Variants in NFAT5 observed in about 807,000 individuals in gnomAD.
NFAT5 encodes nuclear factor of activated T-cells 5.
NFAT5 carries 31 observed loss-of-function variants against 166.5 expected under a neutral mutation model. The ratio of observed to expected loss-of-function variants is 0.19; its 90% CI spans 0.14 to 0.25. The LOEUF (loss-of-function observed/expected upper bound fraction) is 0.25. Ranked by LOEUF, NFAT5 falls within the 10% of genes least tolerant of loss-of-function variation. The pLI, the probability that NFAT5 is intolerant of heterozygous loss-of-function variation, is 1.00. For synonymous variants in NFAT5, 612 were observed against 639.7 expected (o/e 0.96, Z 0.65); for missense variants, 1,449 against 1,821.8 (o/e 0.80, Z 3.72).
At chr16:69,609,819 GA>G (rs1157655325) in intron 2 of NFAT5, among the ~76,000 whole-genome samples, 25,234 of 75,532 alleles carry the variant, frequency 0.33, 2,415 homozygotes, top group African/African-American at 0.43. Context: ...TGTCTCTACT[GA>G]AAAAAAAAAA....
chr16:69,676,962 T>G, intron 9 of NFAT5: 84 of 399,520 alleles, frequency 2.1e-4, no homozygotes, highest in Middle Eastern at 6.9e-4. Context: ...AGAGCAGGAA[T>G]GAGATGAAGT....
chr16:69,694,013 A>C lies in NFAT5; in HGVS notation c.4188A>C (p.Pro1396=). The C allele has an allele frequency of 2.5e-6, 4 of 1,614,182 alleles. No homozygotes were observed. Among genetic ancestry groups the C allele is most frequent in the Non-Finnish European group, 3.4e-6 (4 of 1,180,014 alleles). Residue 1396 remains proline (P), a synonymous_variant, in exon 13 of 15, where the codon CCA becomes CCC. Coordinates refer to ENST00000349945, the MANE Select transcript of NFAT5 (RefSeq NM_138713.4). ...AGCAAGTAACTCTCTTCTTATCTCCAGCATCCATGTCTGCCTTGCAGACCA... is the reference window on the plus strand; with the variant it reads ...AGCAAGTAACTCTCTTCTTATCTCCCGCATCCATGTCTGCCTTGCAGACCA... ...QEQQVTLFLS[P]ASMSALQTSI... is the part of the protein sequence containing the mutation.
At chr16:69,635,023 G>GTTTTT (rs530661389) in intron 3 of NFAT5, among the ~76,000 whole-genome samples, 11 of 105,266 alleles carry the variant, frequency 1.0e-4, no homozygotes, top group Non-Finnish European at 1.3e-4. Context: ...TGTTAGTAAA[G>GTTTTT]TTTTTTTTTT....
intron 11 of NFAT5, 22 bp downstream of exon 11, chr16:69,684,992 A>G (rs754012176): frequency 6.4e-7 from 1 of 1,571,192 alleles, no homozygotes; most frequent in South Asian, 1.1e-5. Flanking sequence ...ATTCTTCTCA[A>G]AAATCGTAAT....
chr16:69,687,480 C>T (rs1428283322), intron 11 of NFAT5, among the ~76,000 whole-genome samples: 1 of 144,332 alleles, frequency 6.9e-6, no homozygotes, highest in Non-Finnish European at 1.5e-5. Context: ...ATAAAATTAA[C>T]CTTTGTGACC....
intron 9 of NFAT5, among the ~76,000 whole-genome samples, chr16:69,670,593 T>A (rs2036586333): frequency 6.6e-6 from 1 of 152,224 alleles, no homozygotes; most frequent in Admixed American, 6.5e-5. Flanking sequence ...CACTATATAG[T>A]TAAATAAAAG....
chr16:69,614,592 T>C (rs7198242), intron 2 of NFAT5, among the ~76,000 whole-genome samples: 33,374 of 152,158 alleles, frequency 0.22, 3,972 homozygotes, highest in East Asian at 0.45. Flanking sequence ...AATAAGTTGC[T>C]GACATGTTTC....
intron 2 of NFAT5, among the ~76,000 whole-genome samples, chr16:69,580,780 C>T (rs894627186): frequency 6.6e-5 from 10 of 151,936 alleles, no homozygotes; most frequent in East Asian, 2.0e-4. Context: ...CTCAGCCTCC[C>T]GAGTAGCTGG....
intron 2 of NFAT5, among the ~76,000 whole-genome samples, chr16:69,608,218 G>A (rs934812042): frequency 6.6e-6 from 1 of 152,078 alleles, no homozygotes; most frequent in Non-Finnish European, 1.5e-5. Context: ...TTAGCCGGGT[G>A]TTGTGGCGTG....
chr16:69,692,663 A>G lies in NFAT5; in HGVS notation c.2838A>G (p.Gln946=), dbSNP rs776201520. 58 of 1,614,130 alleles carry G rather than the reference A, an allele frequency of 3.6e-5. No homozygotes were observed. Among genetic ancestry groups the G allele is most frequent in the Non-Finnish European group, 2.6e-5 (31 of 1,180,050 alleles). ...STASANGNLQ[Q]SPVYQQTSHM... ...CTTCAGCAAATGGAAACCTTCAGCA[A>G]TCGCCAGTTTACCAGCAGACTTCTC... The change falls in exon 13 of 15, where the codon CAA becomes CAG. Residue 946 remains glutamine (Q), a synonymous_variant. Transcript: ENST00000349945.
intron 7 of NFAT5, among the ~76,000 whole-genome samples, chr16:69,661,124 A>C (rs2151648695): frequency 6.9e-6 from 1 of 145,826 alleles, no homozygotes; most frequent in South Asian, 2.2e-4. Flanking sequence ...CATGCCTGTA[A>C]TACCAGCACT....
intron 2 of NFAT5, among the ~76,000 whole-genome samples, chr16:69,614,076 CAG>C (rs1265258463): frequency 6.6e-6 from 1 of 152,086 alleles, no homozygotes; most frequent in Non-Finnish European, 1.5e-5. Context: ...TGATTTTAAA[CAG>C]AAAGTGTAGC....
intron 3 of NFAT5, among the ~76,000 whole-genome samples, chr16:69,627,313 A>T (rs1478591175): frequency 7.4e-6 from 1 of 134,856 alleles, no homozygotes; most frequent in Non-Finnish European, 1.6e-5. Flanking sequence ...TTTGTTTTAA[A>T]AAAAGGAAAC....
intron 10 of NFAT5, among the ~76,000 whole-genome samples, chr16:69,682,420 C>A (rs971883843): frequency 6.8e-6 from 1 of 147,988 alleles, no homozygotes; most frequent in Non-Finnish European, 1.5e-5. Flanking sequence ...CCAGCCTGGG[C>A]GATATAGTGA....
chr16:69,579,174 A>G (rs942313568), intron 2 of NFAT5, among the ~76,000 whole-genome samples: 4 of 152,286 alleles, frequency 2.6e-5, no homozygotes, highest in South Asian at 4.1e-4. Flanking sequence ...GCGCCTGGCC[A>G]TAAGTTTTAA....
intron 2 of NFAT5, among the ~76,000 whole-genome samples, chr16:69,584,481 A>G (rs2031908833): frequency 6.6e-6 from 1 of 151,936 alleles, no homozygotes; most frequent in Non-Finnish European, 1.5e-5. Context: ...GGTGCATGGC[A>G]CCACACCTGG....
At chr16:69,609,819 GAAA>G (rs1157655325) in intron 2 of NFAT5, among the ~76,000 whole-genome samples, 5 of 75,322 alleles carry the variant, frequency 6.6e-5, no homozygotes, top group South Asian at 1.0e-3. Flanking sequence ...TGTCTCTACT[GAAA>G]AAAAAAAAAA....
rs772377968 is a variant in NFAT5 at position 69,684,928 on chromosome 16, T to C, written c.1732T>C (p.Ser578Pro). The C allele has an allele frequency of 1.9e-6, 3 of 1,610,730 alleles. No homozygotes were observed. The highest frequency in any genetic ancestry group is 1.8e-4 in the Middle Eastern group (1 of 5,464). ...GAATGTAAATGTGAAGAAGGAAATA[T>C]CTAGTCCAGCAAGACCTTGCTCTTT... ...ALNVNVKKEI[S>P]SPARPCSFEE... is the part of the protein sequence containing the mutation. The change falls in exon 11 of 15, where the codon TCT becomes CCT. Residue 578 changes from serine (S) to proline (P), a missense_variant. By Grantham distance (74) the Ser-to-Pro change is moderately conservative. Coordinates refer to ENST00000349945, the MANE Select transcript of NFAT5 (RefSeq NM_138713.4).
intron 11 of NFAT5, among the ~76,000 whole-genome samples, chr16:69,686,796 G>A (rs1010309910): frequency 6.6e-6 from 1 of 152,086 alleles, no homozygotes; most frequent in Non-Finnish European, 1.5e-5. Context: ...CCGGGAGGCG[G>A]GGATTGCAGT....
Sources: gnomAD v4.1 joint callset for allele counts (sites outside exome capture counted in the v4.1 genomes callset) on GRCh38, gnomAD v4.1.1 for gene constraint, MANE v1.5 for transcripts, NCBI Gene and HGNC (gene_info 2026-07-23, HGNC 2026-07-21) for gene names.